The following ZNG1C variants were observed in gnomAD, a reference collection of about 807,000 sequenced individuals.
ZNG1C encodes Zn regulated GTPase metalloprotein activator 1C.
At chr9:68,269,565 T>G in the ZNG1C span, 1 of 936,560 alleles carries the variant, frequency 1.1e-6, no homozygotes, top group Non-Finnish European at 1.2e-6. Context: ...TTTTTTTTTT[T>G]TTTTTTTTTT....
chr9:68,255,814 A>G, the ZNG1C span, among the ~76,000 whole-genome samples: 1 of 152,244 alleles, frequency 6.6e-6, no homozygotes, highest in Non-Finnish European at 1.5e-5. Context: ...CTTATTGGCA[A>G]TTCAGTTGTT....
chr9:68,296,342 TA>T, the ZNG1C span, among the ~76,000 whole-genome samples: 1,666 of 152,086 alleles, frequency 0.011, no homozygotes, highest in East Asian at 0.041. Flanking sequence ...GGATGAGGAA[TA>T]AAAGACAAAA....
At chr9:68,268,627 A>G in the ZNG1C span, among the ~76,000 whole-genome samples, 1 of 152,260 alleles carries the variant, frequency 6.6e-6, no homozygotes, top group Non-Finnish European at 1.5e-5. Context: ...CTATTTATGA[A>G]TGATTTTTTC....
chr9:68,276,587 T>C, the ZNG1C span, among the ~76,000 whole-genome samples: 1 of 149,612 alleles, frequency 6.7e-6, no homozygotes, highest in Admixed American at 6.7e-5. Context: ...CTTGTTTTTC[T>C]CAGGTTTGTC....
chr9:68,296,455 G>T, the ZNG1C span, among the ~76,000 whole-genome samples: 1 of 152,084 alleles, frequency 6.6e-6, no homozygotes, highest in Admixed American at 6.6e-5. Flanking sequence ...GTAACCTATG[G>T]AAAGAAAGAA....
the ZNG1C span, among the ~76,000 whole-genome samples, chr9:68,294,295 AAAG>A: frequency 5.8e-4 from 64 of 111,084 alleles, no homozygotes; most frequent in African/African-American, 2.1e-3. Flanking sequence ...CCAGCAGAAG[AAAG>A]AAGATCAGAG....
At chr9:68,268,628 T>A in the ZNG1C span, among the ~76,000 whole-genome samples, 1 of 152,272 alleles carries the variant, frequency 6.6e-6, no homozygotes, top group Non-Finnish European at 1.5e-5. Context: ...TATTTATGAA[T>A]GATTTTTTCT....
At chr9:68,245,577 A>T in the ZNG1C span, among the ~76,000 whole-genome samples, 1 of 75,402 alleles carries the variant, frequency 1.3e-5, no homozygotes, top group Non-Finnish European at 3.0e-5. Context: ...AAAAATCTAG[A>T]CATATGAAAA....
the ZNG1C span, among the ~76,000 whole-genome samples, chr9:68,291,345 C>G: frequency 5.6e-5 from 3 of 53,274 alleles, 1 homozygote; most frequent in East Asian, 2.4e-4. Flanking sequence ...CAGCACCTCC[C>G]AATTTTCGTC....
the ZNG1C span, among the ~76,000 whole-genome samples, chr9:68,296,550 T>C: frequency 6.6e-6 from 1 of 152,294 alleles, no homozygotes; most frequent in Non-Finnish European, 1.5e-5. Context: ...TTTTGGTCTT[T>C]TTGTATTTTC....
the ZNG1C span, among the ~76,000 whole-genome samples, chr9:68,257,234 C>T: frequency 7.6e-4 from 88 of 116,300 alleles, no homozygotes; most frequent in Admixed American, 1.7e-3. Context: ...GACGGGGTTT[C>T]GCCATGTTGG....
chr9:68,256,524 CTATT>C, the ZNG1C span, among the ~76,000 whole-genome samples: 11 of 98,542 alleles, frequency 1.1e-4, no homozygotes, highest in South Asian at 2.0e-3. Flanking sequence ...TGATAATTCA[CTATT>C]TATGATTGAA....
chr9:68,247,345 G>C, the ZNG1C span, among the ~76,000 whole-genome samples: 3 of 150,816 alleles, frequency 2.0e-5, no homozygotes, highest in Non-Finnish European at 2.9e-5. Flanking sequence ...AAGAAATGGG[G>C]GTGGCCAAGT....
At chr9:68,257,209 T>C in the ZNG1C span, among the ~76,000 whole-genome samples, 79 of 137,374 alleles carry the variant, frequency 5.8e-4, no homozygotes, top group Middle Eastern at 7.5e-3. Context: ...GGCTAATTTT[T>C]GGATTTTTAG....
At chr9:68,264,845 A>G in the ZNG1C span, among the ~76,000 whole-genome samples, 2 of 85,298 alleles carry the variant, frequency 2.3e-5, no homozygotes, top group African/African-American at 9.0e-5. Flanking sequence ...ATATATATAT[A>G]TATATATATA....
At chr9:68,249,040 A>C in the ZNG1C span, 1 of 481,442 alleles carries the variant, frequency 2.1e-6, no homozygotes, top group South Asian at 2.5e-5. Flanking sequence ...GAGGAAAAGT[A>C]CTCGTTTGTC....
At chr9:68,286,914 T>C in the ZNG1C span, among the ~76,000 whole-genome samples, 1 of 74,254 alleles carries the variant, frequency 1.3e-5, no homozygotes, top group Non-Finnish European at 2.9e-5. Flanking sequence ...GAGATAGAAT[T>C]TATGGTAAAA....
At chr9:68,294,054 A>C in the ZNG1C span, among the ~76,000 whole-genome samples, 5 of 152,050 alleles carry the variant, frequency 3.3e-5, no homozygotes, top group African/African-American at 9.7e-5. Context: ...ATGCAGATAC[A>C]TGGAATAACC....
chr9:68,267,763 CT>C, the ZNG1C span, among the ~76,000 whole-genome samples: 4 of 14,242 alleles, frequency 2.8e-4, no homozygotes, highest in Admixed American at 8.6e-4. Flanking sequence ...AATCTTGTTT[CT>C]CTTCATAAAT....
Sources: allele counts gnomAD v4.1 joint callset (sites outside exome capture counted in the v4.1 genomes callset), GRCh38; gene constraint gnomAD v4.1.1; transcripts MANE v1.5; gene names NCBI Gene and HGNC (gene_info 2026-07-23, HGNC 2026-07-21).